The following PLXNB1 variants were observed in gnomAD, a reference collection of about 807,000 sequenced individuals.
PLXNB1 encodes the protein plexin B1.
In PLXNB1, 106 loss-of-function variants were observed where a neutral mutation model predicts 209.4. The ratio of observed to expected loss-of-function variants is 0.51; its 90% CI spans 0.43 to 0.59. PLXNB1 has a LOEUF of 0.59. Among genes scored for constraint, PLXNB1 ranks in the 20% least tolerant of loss-of-function variants. PLXNB1 has a pLI of 0.00. For synonymous variants in PLXNB1, 1,167 were observed against 1,183.2 expected (o/e 0.99, Z 0.28); for missense variants, 2,357 against 2,853.2 (o/e 0.83, Z 3.96).
rs1275899413 is a variant in PLXNB1, at chr3:48,421,701, G to C, written c.1626C>G (p.Ala542=). The part of the protein sequence containing the change: ...GCLQVAAMSP[A]NISREETREV... ...CCCTCGTCTCCTCTCGGCTGATGTT[G>C]GCAGGACTCATGGCTGCCACTTGCA... is the stretch of plus-strand genomic sequence containing the variant. The change falls in exon 7 of 38, where the codon GCC becomes GCG. Residue 542 remains alanine (A), a synonymous_variant. Transcript: ENST00000296440. The C allele has an allele frequency of 6.2e-7, 1 of 1,608,960 alleles. No homozygotes were observed. The highest frequency in any genetic ancestry group is 1.3e-5 in the African/African-American group (1 of 74,818).
In PLXNB1 at chr3:48,411,111, C is replaced by T; in HGVS notation, c.5248-75G>A. The T allele has an allele frequency of 7.4e-7, 1 of 1,360,154 alleles. No homozygotes were observed. The highest frequency in any genetic ancestry group is 1.0e-6 in the Non-Finnish European group (1 of 992,876). The allele number at this position is 1,360,154 out of a possible 1,614,324, so 84.3% of individuals were successfully genotyped here. On this transcript the variant is annotated intron_variant, in intron 28 of 37. Transcript: ENST00000296440. This position sits in a 1 kb window ranked among gnomAD's most constrained non-coding sequence, Gnocchi z 4.0. ...CCAAGACACAGGCCAAGGGCAGAGACAACTCATGAGAAACTGCTGCCTCCA... is the reference window on the plus strand; with the variant it reads ...CCAAGACACAGGCCAAGGGCAGAGATAACTCATGAGAAACTGCTGCCTCCA...
In PLXNB1 at chr3:48,404,649, A is replaced by G. The variant is rs991073934; in HGVS notation, c.6304-59T>C. 19 of 1,153,214 alleles carry G rather than the reference A, an allele frequency of 1.6e-5. No individual in the cohort carries two copies. The African/African-American group carries it at 2.8e-4, about 17-fold the overall frequency. 71.4% of individuals were successfully genotyped at this position (1,153,214 alleles called of 1,614,324 possible). A position where few individuals can be genotyped will look rare whatever the true frequency, so the allele number is the denominator to read the frequency against. ...TCTTTGGCCAACGTGTTTGCTGCAA[A>G]ATTCAACAGCCCTCCTAAGACGCTG... On this transcript the variant is annotated intron_variant, in intron 37 of 37. Coordinates refer to ENST00000296440, the MANE Select transcript of PLXNB1 (RefSeq NM_001130082.3).
In PLXNB1 at chr3:48,419,646, G is replaced by A. The variant is rs768712752; in HGVS notation, c.2640C>T (p.Gly880=). The change falls in exon 11 of 38, where the codon GGC becomes GGT. Residue 880 remains glycine, a synonymous_variant. Transcript: ENST00000296440. The surrounding 1 kb of genome is among the most constrained non-coding windows in gnomAD (Gnocchi z 5.7). ...ACGGGAGGATGAGGGGGGCGGGAGG[G>A]CCCTCAAGCTCTGCTGAGTCTCCAT... The part of the protein sequence containing the change: ...SGDGDSAELE[G]PPAPLILPSS... 1 of 1,612,562 alleles carries A rather than the reference G, an allele frequency of 6.2e-7. No homozygotes were observed. Among genetic ancestry groups the A allele is most frequent in the South Asian group, 1.1e-5 (1 of 91,074 alleles).
chr3:48,422,979 T>A, intron 3 of PLXNB1, 32 bp from the exon 4 acceptor site: 2 of 1,594,472 alleles, frequency 1.3e-6, no homozygotes, highest in Non-Finnish European at 1.7e-6. Context: ...AGGAAGGCCC[T>A]CCCTGGATAA....
In PLXNB1 at chr3:48,424,152, C is replaced by A; in HGVS notation, c.460G>T (p.Gly154Trp). The change falls in exon 3 of 38, where the codon GGG (glycine) becomes TGG (tryptophan). Residue 154 changes from glycine to tryptophan, a missense_variant. Around this residue, in one of 7 missense-constraint regions of PLXNB1, gnomAD observed 404 missense variants for 443.6 expected, o/e 0.91. Coordinates refer to ENST00000296440, the MANE Select transcript of PLXNB1 (RefSeq NM_001130082.3). ...CCTGCCAAGCCCTGGGCTACCAGCC[C>A]CACCGTGCTGACCGCAGGATCATTG... is the stretch of plus-strand genomic sequence containing the variant. ...AANDPAVSTV[G>W]LVAQGLAGEP... The A allele has an allele frequency of 6.4e-7, 1 of 1,570,612 alleles. No individual in the cohort carries two copies. The highest frequency in any genetic ancestry group is 2.3e-5 in the East Asian group (1 of 43,214).
intron 2 of PLXNB1, 103 bp from the exon 3 acceptor site, chr3:48,424,720 C>G (rs2038793354): frequency 8.0e-7 from 1 of 1,252,938 alleles, no homozygotes; most frequent in Admixed American, 2.4e-5. Flanking sequence ...GATGCTCCTC[C>G]TAACCTAGGG....
chr3:48,418,151 G>A lies in PLXNB1; in HGVS notation c.3222+40C>T, dbSNP rs370820795. Reference sequence around the variant, plus strand: ...TTGGGCCCCCACACCCTCCCTCTAAGGGCAGCACTGAGGAAGGGATGGCCA... The same window carrying A: ...TTGGGCCCCCACACCCTCCCTCTAAAGGCAGCACTGAGGAAGGGATGGCCA... On this transcript the variant is annotated intron_variant, in intron 15 of 37. Coordinates refer to ENST00000296440, the MANE Select transcript of PLXNB1 (RefSeq NM_001130082.3). This position sits in a 1 kb window ranked among gnomAD's most constrained non-coding sequence, Gnocchi z 6.6. 3.7e-6 allele frequency: 6 copies of A among 1,611,256 alleles called. No homozygotes were observed. The East Asian group carries it at 1.1e-4, about 30-fold the overall frequency.
At position 48,410,611 on chromosome 3, in the gene PLXNB1, G is replaced by A; in HGVS notation, c.5417-53C>T. On this transcript the variant is annotated intron_variant, in intron 29 of 37. Coordinates refer to ENST00000296440, the MANE Select transcript of PLXNB1 (RefSeq NM_001130082.3). This position sits in a 1 kb window ranked among gnomAD's most constrained non-coding sequence, Gnocchi z 6.4. ...AGGGCTGGAAGATACCCTTCCCATA[G>A]TGGAGCCCATCTCCTCCTCCACAGG... The A allele has an allele frequency of 1.4e-6, 2 of 1,455,720 alleles. No homozygotes were observed. Among genetic ancestry groups the A allele is most frequent in the Non-Finnish European group, 1.9e-6 (2 of 1,039,344 alleles). The allele number at this position is 1,455,720 out of a possible 1,614,324, so 90.2% of individuals were successfully genotyped here. A position where few individuals can be genotyped will look rare whatever the true frequency, so the allele number is the denominator to read the frequency against.
In PLXNB1 at chr3:48,424,441, C is replaced by T; in HGVS notation, c.171G>A (p.Gln57=). ...LYLGATNFLF[Q]LSPGLQLEAT... ...CCTCCAGCTGCAGCCCAGGGCTCAG[C>T]TGGAACAGGAAGTTGGTAGCCCCCA... Residue 57 remains glutamine (Q), a synonymous_variant, in exon 3 of 38, where the codon CAG becomes CAA. Coordinates refer to ENST00000296440, the MANE Select transcript of PLXNB1 (RefSeq NM_001130082.3). 6.3e-7 allele frequency: 1 copy of T among 1,585,002 alleles called. No individual in the cohort carries two copies. Among genetic ancestry groups the T allele is most frequent in the Non-Finnish European group, 8.6e-7 (1 of 1,165,196 alleles).
chr3:48,411,400 CAG>C lies in PLXNB1; in HGVS notation c.5248-366_5248-365del, dbSNP rs1376758991. On this transcript the variant is annotated intron_variant, in intron 28 of 37. Transcript: ENST00000296440. This position sits in a 1 kb window ranked among gnomAD's most constrained non-coding sequence, Gnocchi z 4.0. ...GGAGCAAATATTCCCACCTATCCGA[CAG>C]GGGAGGGGTTCAGCAGGCCTGAATG... is the stretch of plus-strand genomic sequence containing the variant. 6.6e-6 allele frequency among the ~76,000 whole-genome samples: 1 copy of C among 152,222 alleles called. No individual in the cohort carries two copies. The highest frequency in any genetic ancestry group is 1.5e-5 in the Non-Finnish European group (1 of 68,042).
At position 48,417,583 on chromosome 3, in the gene PLXNB1, C is replaced by G. The variant is rs567651137; in HGVS notation, c.3374+328G>C. Among the ~76,000 whole-genome samples the G allele has an allele frequency of 4.7e-4, 72 of 152,294 alleles. No homozygotes were observed. The highest frequency in any genetic ancestry group is 8.7e-4 in the Non-Finnish European group (59 of 68,034). ...AAGGCCAGCCCCTGAGCTTATCTGT[C>G]TGATCTGAGGGTCCTGCTGCCACAG... On this transcript the variant is annotated intron_variant, in intron 16 of 37. Transcript: ENST00000296440. The surrounding 1 kb of genome is among the most constrained non-coding windows in gnomAD (Gnocchi z 4.4).
chr3:48,422,978 C>T, intron 3 of PLXNB1, 31 bp from the exon 4 acceptor site: 7 of 1,596,334 alleles, frequency 4.4e-6, no homozygotes, highest in South Asian at 1.1e-5. Context: ...CAGGAAGGCC[C>T]TCCCTGGATA....
At chr3:48,407,138 G>A in intron 34 of PLXNB1, 47 bp from the exon 35 acceptor site, 1 of 1,552,932 alleles carries the variant, frequency 6.4e-7, no homozygotes. Context: ...GGAAGGATGA[G>A]GGTCCCTGTT....
At position 48,421,268 on chromosome 3, in the gene PLXNB1, G is replaced by A. The variant is rs758449663; in HGVS notation, c.1770C>T (p.Ser590=). The change falls in exon 8 of 38, where the codon TCC becomes TCT. Residue 590 remains serine (S), a synonymous_variant. Transcript: ENST00000296440. ...LLTGSGVMCP[S]PDPSEAPVLP... is the part of the protein sequence containing the mutation. ...GCACTGGGGCCTCACTAGGGTCTGG[G>A]GAGGGGCACATCACACCAGAACCAG... The A allele has an allele frequency of 1.2e-6, 2 of 1,612,924 alleles. No homozygotes were observed. The highest frequency in any genetic ancestry group is 1.7e-6 in the Non-Finnish European group (2 of 1,179,460).
Position 48,411,902 on chromosome 3 carries a change from G to A in PLXNB1, c.5208C>T (p.Asp1736=), listed in dbSNP as rs1260336455. Residue 1736 remains aspartate (D), a synonymous_variant, in exon 28 of 38, where the codon GAC becomes GAT. Coordinates refer to ENST00000296440, the MANE Select transcript of PLXNB1 (RefSeq NM_001130082.3). The surrounding 1 kb of genome is among the most constrained non-coding windows in gnomAD (Gnocchi z 4.0). Reference sequence around the variant, plus strand: ...CCACATCCTCTCTGAGCAGGCGGTTGTCGTTCAAGGTGTATTTGGCCTTGC... The same window carrying A: ...CCACATCCTCTCTGAGCAGGCGGTTATCGTTCAAGGTGTATTTGGCCTTGC... The part of the protein sequence containing the change: ...VTGKAKYTLN[D]NRLLREDVEY... 4 of 1,614,018 alleles carry A rather than the reference G, an allele frequency of 2.5e-6. No individual in the cohort carries two copies. Among genetic ancestry groups the A allele is most frequent in the Non-Finnish European group, 1.7e-6 (2 of 1,180,022 alleles).
intron 1 of PLXNB1, among the ~76,000 whole-genome samples, chr3:48,425,735 G>A (rs182892406): frequency 1.3e-3 from 200 of 152,116 alleles, no homozygotes; most frequent in African/African-American, 4.4e-3. Flanking sequence ...AGGGCCACCA[G>A]CGCTTCAGCA....
chr3:48,414,133 A>C (rs2037904290), intron 21 of PLXNB1, 62 bp from the exon 22 acceptor site: 5 of 1,529,142 alleles, frequency 3.3e-6, no homozygotes, highest in South Asian at 1.1e-5. Flanking sequence ...GTCCTCCCCA[A>C]ATGTGGGAAG....
chr3:48,424,323 G>T lies in PLXNB1; in HGVS notation c.289C>A (p.Pro97Thr), dbSNP rs780898975. The stretch of plus-strand genomic sequence containing the variant: ...GGGCTCACCAGGAGCAGCTGATTCG[G>T]GTTGTTGGTAGGCTGGGCCTGGGGG... Reference protein sequence around the residue: ...ECPQAQPTNNPNQLLLVSPGA... With the variant: ...ECPQAQPTNNTNQLLLVSPGA... The change falls in exon 3 of 38, where the codon CCG becomes ACG. Residue 97 changes from proline to threonine, a missense_variant. Pro to Thr is a conservative substitution (Grantham distance 38). This residue lies in a region of PLXNB1 where 107 missense variants were observed against 167.2 expected (regional missense o/e 0.64). Coordinates refer to ENST00000296440, the MANE Select transcript of PLXNB1 (RefSeq NM_001130082.3). 6.4e-6 allele frequency: 10 copies of T among 1,559,278 alleles called. No homozygotes were observed. The highest frequency in any genetic ancestry group is 6.9e-6 in the Non-Finnish European group (8 of 1,151,294).
Position 48,413,219 on chromosome 3 carries a change from C to A in PLXNB1, c.4536-50G>T. On this transcript the variant is annotated intron_variant, in intron 23 of 37. Transcript: ENST00000296440. The surrounding 1 kb of genome is among the most constrained non-coding windows in gnomAD (Gnocchi z 5.4). ...GGATGGCCAGATGAGTCCTACTCGC[C>A]CAGGCCTGCCTGACAATCCCCAGGC... is the stretch of plus-strand genomic sequence containing the variant. 7.0e-7 allele frequency: 1 copy of A among 1,433,334 alleles called. No homozygotes were observed. Among genetic ancestry groups the A allele is most frequent in the Non-Finnish European group, 9.7e-7 (1 of 1,026,156 alleles). The allele number at this position is 1,433,334 out of a possible 1,614,324, so 88.8% of individuals were successfully genotyped here.
Sources: allele counts gnomAD v4.1 joint callset (sites outside exome capture counted in the v4.1 genomes callset), GRCh38; gene constraint gnomAD v4.1.1; regional missense constraint gnomAD v4.1.1; non-coding constraint Gnocchi (gnomAD v3.1); transcripts MANE v1.5; gene names NCBI Gene and HGNC (gene_info 2026-07-23, HGNC 2026-07-21).